ADAMTS9: variants seen among roughly 807,000 people sequenced by gnomAD.
ADAMTS9 encodes the protein ADAM metallopeptidase with thrombospondin type 1 motif 9.
In ADAMTS9, 107 loss-of-function variants were observed where a neutral mutation model predicts 257.1. That is an observed-to-expected ratio of 0.42 (90% CI 0.36 to 0.49). The LOEUF (loss-of-function observed/expected upper bound fraction) is 0.49. ADAMTS9 is among the 20% of genes least tolerant of loss of function. The probability of loss-of-function intolerance (pLI) is 0.03; values close to 1 mark genes in which losing one functional copy is unlikely to be tolerated. For synonymous variants in ADAMTS9, 982 were observed against 880.9 expected (o/e 1.11, Z -2.03); for missense variants, 2,353 against 2,469.1 (o/e 0.95, Z 1.00).
intron 3 of ADAMTS9, among the ~76,000 whole-genome samples, chr3:64,664,853 T>C (rs138814904): frequency 1.3e-5 from 2 of 152,336 alleles, no homozygotes; most frequent in African/African-American, 4.8e-5. Flanking sequence ...GCCAAATTGT[T>C]TTCCAAAGTG....
chr3:64,659,857 G>A (rs183444468), intron 3 of ADAMTS9, among the ~76,000 whole-genome samples: 1 of 152,044 alleles, frequency 6.6e-6, no homozygotes, highest in African/African-American at 2.4e-5. Flanking sequence ...CCGTGGACCA[G>A]CAAAATTGAC....
chr3:64,572,115 G>T (rs904002526), intron 28 of ADAMTS9, among the ~76,000 whole-genome samples: 15 of 152,198 alleles, frequency 9.9e-5, no homozygotes, highest in African/African-American at 2.9e-4. Flanking sequence ...ACCCAACTTT[G>T]TGTAACAGAA....
At chr3:64,582,215 G>C (rs928388799) in intron 28 of ADAMTS9, among the ~76,000 whole-genome samples, 1 of 152,114 alleles carries the variant, frequency 6.6e-6, no homozygotes, top group Admixed American at 6.5e-5. Flanking sequence ...GGTGCGAGGA[G>C]GTAGAACTGC....
rs200956641 is a variant in ADAMTS9, at chr3:64,654,486, A to T, written c.1211-28T>A. On this transcript the variant is annotated intron_variant, in intron 7 of 39. Coordinates refer to ENST00000498707, the MANE Select transcript of ADAMTS9 (RefSeq NM_182920.2). ...ATTAGAAGGAAAAAAACCAACAAGG[A>T]TTTACTCTAAAAAGCAACTGTGGCT... 1.4e-5 allele frequency: 23 copies of T among 1,612,476 alleles called. No homozygotes were observed. In the Admixed American group the frequency reaches 3.3e-4, roughly 23 times the overall value.
intron 39 of ADAMTS9, among the ~76,000 whole-genome samples, chr3:64,520,201 C>A (rs964306206): frequency 6.6e-5 from 10 of 152,010 alleles, no homozygotes; most frequent in African/African-American, 2.4e-4. Flanking sequence ...ACAGTCACCA[C>A]AAAAAGAATA....
intron 38 of ADAMTS9, among the ~76,000 whole-genome samples, chr3:64,527,818 G>A (rs147671393): frequency 6.6e-6 from 1 of 152,218 alleles, no homozygotes; most frequent in Non-Finnish European, 1.5e-5. Flanking sequence ...TACACTTGGT[G>A]GATAGTTGGA....
chr3:64,631,420 C>A (rs377444996), intron 16 of ADAMTS9, 35 bp downstream of exon 16: 2 of 1,554,134 alleles, frequency 1.3e-6, no homozygotes, highest in African/African-American at 2.7e-5. Context: ...CTCCATAGAA[C>A]CAGAACTCGC....
At chr3:64,523,868 T>C (rs560083866) in intron 38 of ADAMTS9, among the ~76,000 whole-genome samples, 16 of 152,272 alleles carry the variant, frequency 1.1e-4, no homozygotes, top group African/African-American at 3.1e-4. Flanking sequence ...AAGATTAAAG[T>C]TTTTTGAACT....
At chr3:64,558,181 G>A (rs748179000) in intron 30 of ADAMTS9, among the ~76,000 whole-genome samples, 1 of 152,218 alleles carries the variant, frequency 6.6e-6, no homozygotes, top group Non-Finnish European at 1.5e-5. Flanking sequence ...AGGTGTATTT[G>A]GCATCGGATT....
At chr3:64,667,156 G>A (rs1252720779) in intron 3 of ADAMTS9, among the ~76,000 whole-genome samples, 18 of 152,182 alleles carry the variant, frequency 1.2e-4, no homozygotes, top group Admixed American at 1.2e-3. Context: ...GGGCTGGCCT[G>A]AACCTTTATA....
intron 30 of ADAMTS9, among the ~76,000 whole-genome samples, chr3:64,556,347 G>T (rs1559761780): frequency 6.6e-6 from 1 of 152,120 alleles, no homozygotes; most frequent in Admixed American, 6.5e-5. Flanking sequence ...TTGAGACAGG[G>T]TCTTGCTCTG....
intron 3 of ADAMTS9, among the ~76,000 whole-genome samples, chr3:64,679,349 A>T (rs1701698648): frequency 6.6e-6 from 1 of 152,258 alleles, no homozygotes; most frequent in Admixed American, 6.5e-5. Context: ...ACAGAGAAAC[A>T]TGGGTCATCA....
chr3:64,652,102 C>G (rs1700945302), intron 8 of ADAMTS9, among the ~76,000 whole-genome samples: 1 of 152,198 alleles, frequency 6.6e-6, no homozygotes, highest in Admixed American at 6.5e-5. Flanking sequence ...GGTCACCTTC[C>G]CTCTCTCTGG....
At chr3:64,604,997 G>A (rs1559787945) in intron 23 of ADAMTS9, among the ~76,000 whole-genome samples, 1 of 152,328 alleles carries the variant, frequency 6.6e-6, no homozygotes, top group East Asian at 1.9e-4. Flanking sequence ...ATTATCCTGT[G>A]ACTTAATACA....
chr3:64,576,098 T>C (rs1038038758), intron 28 of ADAMTS9, among the ~76,000 whole-genome samples: 2 of 152,198 alleles, frequency 1.3e-5, no homozygotes, highest in African/African-American at 2.4e-5. Flanking sequence ...ATTCCTTCTG[T>C]AGTGCCCTTT....
chr3:64,677,028 G>A (rs1045387959), intron 3 of ADAMTS9, among the ~76,000 whole-genome samples: 5 of 152,154 alleles, frequency 3.3e-5, no homozygotes, highest in Admixed American at 6.5e-5. Flanking sequence ...GAGAGTGTCC[G>A]TGAAACAGAA....
chr3:64,626,689 T>C (rs11927991), intron 16 of ADAMTS9, among the ~76,000 whole-genome samples: 6,531 of 152,166 alleles, frequency 0.043, 473 homozygotes, highest in African/African-American at 0.15. Flanking sequence ...CTTAAATATA[T>C]AAGATGATAA....
intron 28 of ADAMTS9, among the ~76,000 whole-genome samples, chr3:64,580,818 T>A (rs1267269380): frequency 6.6e-6 from 1 of 152,218 alleles, no homozygotes; most frequent in Non-Finnish European, 1.5e-5. Context: ...TCCCAGGGAC[T>A]TTTATAAAGC....
chr3:64,627,888 G>C (rs9861646), intron 16 of ADAMTS9, among the ~76,000 whole-genome samples: 29,765 of 152,124 alleles, frequency 0.2, 3,367 homozygotes, highest in East Asian at 0.46. Context: ...GCGAGACTCA[G>C]TGTGGGTTGT....
Sources: gnomAD v4.1 joint callset for allele counts (sites outside exome capture counted in the v4.1 genomes callset) on GRCh38, gnomAD v4.1.1 for gene constraint, MANE v1.5 for transcripts, NCBI Gene and HGNC (gene_info 2026-07-23, HGNC 2026-07-21) for gene names.